Variants in TSHZ2 observed in about 807,000 individuals in gnomAD.
TSHZ2 encodes the protein teashirt zinc finger homeobox 2.
A neutral mutation model predicts 74.4 loss-of-function variants in TSHZ2; 21 were observed. The observed-to-expected ratio is 0.28, with a 90% confidence interval of 0.20 to 0.41. TSHZ2 has a LOEUF of 0.41. TSHZ2 is among the 10% of genes least tolerant of loss of function. TSHZ2 has a pLI of 1.00. For synonymous variants in TSHZ2, 540 were observed against 515.3 expected (o/e 1.05, Z -0.65); for missense variants, 1,244 against 1,293.5 (o/e 0.96, Z 0.59).
intron 1 of TSHZ2, among the ~76,000 whole-genome samples, chr20:53,055,530 C>T (rs947980111): frequency 6.6e-6 from 1 of 152,080 alleles, no homozygotes; most frequent in African/African-American, 2.4e-5. Context: ...AATTTTTTTG[C>T]ATGAACTTTG....
chr20:53,050,113 A>ATATATACACATACATATATATATGTGTG, intron 1 of TSHZ2, among the ~76,000 whole-genome samples: 1 of 97,982 alleles, frequency 1.0e-5, no homozygotes, highest in South Asian at 3.3e-4. Context: ...GTATATATAT[A>ATATATACACATACATATATATATGTGTG]TATATATATA....
At chr20:53,154,286 G>GA (rs1306308518) in intron 1 of TSHZ2, among the ~76,000 whole-genome samples, 1 of 150,994 alleles carries the variant, frequency 6.6e-6, no homozygotes, top group African/African-American at 2.4e-5. Flanking sequence ...TGACCTAAGT[G>GA]ACCAAAAAAA....
At chr20:53,484,879 A>AT (rs1201897810) in intron 2 of TSHZ2, among the ~76,000 whole-genome samples, 4 of 152,066 alleles carry the variant, frequency 2.6e-5, no homozygotes, top group Admixed American at 6.5e-5. Flanking sequence ...ATGTCATCTG[A>AT]TTTTCAATTT....
chr20:53,307,645 G>A (rs188558351), intron 2 of TSHZ2, among the ~76,000 whole-genome samples: 18 of 152,218 alleles, frequency 1.2e-4, no homozygotes, highest in Non-Finnish European at 4.4e-5. Context: ...AAAAAATTCA[G>A]GTTATCTTTT....
chr20:53,461,062 G>C (rs895015711), intron 2 of TSHZ2, among the ~76,000 whole-genome samples: 2 of 152,010 alleles, frequency 1.3e-5, no homozygotes, highest in African/African-American at 4.8e-5. Flanking sequence ...GCTGTGGTGG[G>C]CTCCACCCAG....
chr20:53,275,314 AT>A (rs917296196), intron 2 of TSHZ2, among the ~76,000 whole-genome samples: 1 of 152,078 alleles, frequency 6.6e-6, no homozygotes, highest in African/African-American at 2.4e-5. Flanking sequence ...CCTCATGTTA[AT>A]TTTTAAATTA....
chr20:52,995,918 G>A (rs115581511), intron 1 of TSHZ2, among the ~76,000 whole-genome samples: 2,129 of 152,128 alleles, frequency 0.014, 19 homozygotes, highest in Middle Eastern at 0.027. Context: ...CATTGTGCCC[G>A]GCCAAGGTTA....
chr20:53,374,123 T>C (rs1343567649), intron 2 of TSHZ2, among the ~76,000 whole-genome samples: 1 of 152,144 alleles, frequency 6.6e-6, no homozygotes, highest in Non-Finnish European at 1.5e-5. Flanking sequence ...CAATAGGTAG[T>C]TTTTGCATCC....
At chr20:53,437,878 G>C (rs909397234) in intron 2 of TSHZ2, among the ~76,000 whole-genome samples, 2 of 152,164 alleles carry the variant, frequency 1.3e-5, no homozygotes, top group Non-Finnish European at 2.9e-5. Context: ...TGATGTGCCT[G>C]CTCCTCCTTC....
chr20:53,143,703 T>A (rs1987468840), intron 1 of TSHZ2, among the ~76,000 whole-genome samples: 4 of 151,632 alleles, frequency 2.6e-5, no homozygotes, highest in Admixed American at 2.6e-4. Flanking sequence ...AAAAAATAAA[T>A]AAATAAATAA....
At chr20:53,396,505 A>C (rs1982452023) in intron 2 of TSHZ2, among the ~76,000 whole-genome samples, 1 of 152,162 alleles carries the variant, frequency 6.6e-6, no homozygotes. Context: ...CTCCAGAGAC[A>C]CCAATCAAAA....
intron 1 of TSHZ2, among the ~76,000 whole-genome samples, chr20:53,067,440 T>C (rs1306886560): frequency 2.0e-5 from 3 of 152,262 alleles, no homozygotes; most frequent in Admixed American, 2.0e-4. Flanking sequence ...TTGTATGGAA[T>C]AGAAATACAT....
intron 1 of TSHZ2, among the ~76,000 whole-genome samples, chr20:53,186,069 G>A (rs1195356538): frequency 6.6e-6 from 1 of 152,170 alleles, no homozygotes; most frequent in Admixed American, 6.5e-5. Context: ...GACTAACATT[G>A]ATTTGGCTTC....
intron 1 of TSHZ2, among the ~76,000 whole-genome samples, chr20:53,242,810 T>A (rs904693744): frequency 1.3e-5 from 2 of 152,234 alleles, no homozygotes; most frequent in Non-Finnish European, 2.9e-5. Flanking sequence ...GATGCAATCA[T>A]TCATTCACTT....
intron 1 of TSHZ2, among the ~76,000 whole-genome samples, chr20:53,226,039 A>G (rs1295622372): frequency 6.6e-6 from 1 of 152,178 alleles, no homozygotes; most frequent in Non-Finnish European, 1.5e-5. Flanking sequence ...CATGTATATG[A>G]TAAAGTATGT....
At position 53,494,889 on chromosome 20, in the gene TSHZ2, T is replaced by A. The variant is rs902569389; in HGVS notation, c.*7754T>A. 2.0e-5 allele frequency: 3 copies of A among 152,132 alleles called. No homozygotes were observed. The highest frequency in any genetic ancestry group is 1.5e-5 in the Non-Finnish European group (1 of 68,016). The allele number at this position is 152,132 out of a possible 1,614,324, so 9.4% of individuals were successfully genotyped here. On this transcript the variant is annotated 3_prime_UTR_variant, in exon 3 of 3. Coordinates refer to ENST00000371497, the MANE Select transcript of TSHZ2 (RefSeq NM_173485.6). Reference sequence around the variant, plus strand: ...CACTCAGCAGTTATTGGAAATAGACTGTTCCCATCTGAAACCGTATCGTAA... The same window carrying A: ...CACTCAGCAGTTATTGGAAATAGACAGTTCCCATCTGAAACCGTATCGTAA...
chr20:53,256,107 G>A lies in TSHZ2; in HGVS notation c.2649G>A (p.Met883Ile). 2 of 1,614,148 alleles carry A rather than the reference G, an allele frequency of 1.2e-6. No homozygotes were observed. Among genetic ancestry groups the A allele is most frequent in the Non-Finnish European group, 1.7e-6 (2 of 1,180,002 alleles). Residue 883 changes from methionine (M) to isoleucine (I), a missense_variant, in exon 2 of 3, where the codon ATG (methionine) becomes ATA (isoleucine). Met to Ile is a conservative substitution (Grantham distance 10). Transcript: ENST00000371497. This position sits in a 1 kb window ranked among gnomAD's most constrained non-coding sequence, Gnocchi z 4.3. ...CTGATCTGGGCCCACAAGAGCGTAT[G>A]CAAATCTCTAAGTTTACGGGACTCT... ...LLSDLGPQERMQISKFTGLSM... is the reference protein window; with the variant it reads ...LLSDLGPQERIQISKFTGLSM...
chr20:53,065,897 G>A (rs1984968169), intron 1 of TSHZ2, among the ~76,000 whole-genome samples: 2 of 152,206 alleles, frequency 1.3e-5, no homozygotes, highest in Admixed American at 1.3e-4. Flanking sequence ...AGCTTCCTGA[G>A]ATTGTGCCTA....
intron 2 of TSHZ2, among the ~76,000 whole-genome samples, chr20:53,340,968 G>A (rs1422701897): frequency 6.6e-6 from 1 of 152,168 alleles, no homozygotes; most frequent in Non-Finnish European, 1.5e-5. Context: ...GCTTGTTGGT[G>A]GCTGTGCTTG....
Sources: allele counts gnomAD v4.1 joint callset (sites outside exome capture counted in the v4.1 genomes callset), GRCh38; gene constraint gnomAD v4.1.1; non-coding constraint Gnocchi (gnomAD v3.1); transcripts MANE v1.5; gene names NCBI Gene and HGNC (gene_info 2026-07-23, HGNC 2026-07-21).